NPRL3: variants seen among roughly 807,000 people sequenced by gnomAD.
NPRL3 encodes GATOR1 complex protein NPRL3.
In NPRL3, 23 loss-of-function variants were observed where a neutral mutation model predicts 57.2. The observed-to-expected ratio is 0.40, with a 90% CI of 0.29 to 0.57. The LOEUF is 0.57. Among genes scored for constraint, NPRL3 ranks in the 20% least tolerant of loss-of-function variants. NPRL3 has a pLI of 0.42. For synonymous variants in NPRL3, 333 were observed against 321.1 expected, an observed-to-expected ratio of 1.04 and a Z score of -0.39; for missense variants, 691 against 767.1, an observed-to-expected ratio of 0.90 and a Z score of 1.17.
At chr16:128,806 T>C (rs990086909) in intron 3 of NPRL3, among the ~76,000 whole-genome samples, 1 of 151,890 alleles carries the variant, frequency 6.6e-6, no homozygotes, top group Non-Finnish European at 1.5e-5. Flanking sequence ...GTGGATTTGA[T>C]GCACTTTCAC....
intron 8 of NPRL3, among the ~76,000 whole-genome samples, chr16:98,714 G>A (rs1325512066): frequency 6.6e-6 from 1 of 152,240 alleles, no homozygotes; most frequent in Non-Finnish European, 1.5e-5. Context: ...AAGGCAGGCA[G>A]GTCACGTGAG....
intron 2 of NPRL3, among the ~76,000 whole-genome samples, chr16:135,502 G>A (rs1901028841): frequency 6.6e-6 from 1 of 151,688 alleles, no homozygotes; most frequent in Admixed American, 6.6e-5. Context: ...CCAGCTACTC[G>A]GGAGGCTGGG....
chr16:125,983 C>G (rs1900498091), intron 3 of NPRL3: 1 of 152,142 alleles, frequency 6.6e-6, no homozygotes, highest in Admixed American at 6.6e-5. Context: ...GGCCTAGGCC[C>G]AAGTGCAGCC....
At chr16:116,794 C>CCG (rs1900054677) in intron 5 of NPRL3, among the ~76,000 whole-genome samples, 2 of 143,868 alleles carry the variant, frequency 1.4e-5, no homozygotes, top group Non-Finnish European at 1.5e-5. Flanking sequence ...GAGACCCCCC[C>CCG]CCCCCACCGA....
chr16:116,374 A>G (rs973284764), intron 5 of NPRL3, among the ~76,000 whole-genome samples: 3 of 152,240 alleles, frequency 2.0e-5, no homozygotes, highest in African/African-American at 7.2e-5. Context: ...TATGTAAGAA[A>G]TACAAAGATG....
intron 7 of NPRL3, among the ~76,000 whole-genome samples, chr16:103,653 C>T (rs771532143): frequency 2.0e-5 from 3 of 152,140 alleles, no homozygotes; most frequent in Non-Finnish European, 4.4e-5. Flanking sequence ...GGCTGCTCTG[C>T]ACGCTGGGGG....
intron 6 of NPRL3, among the ~76,000 whole-genome samples, chr16:111,318 T>A (rs980502148): frequency 2.0e-5 from 3 of 152,036 alleles, no homozygotes; most frequent in Non-Finnish European, 4.4e-5. Context: ...AAGAATGGCG[T>A]GAACCCAGGA....
chr16:131,474 G>A (rs1466363978), intron 2 of NPRL3, among the ~76,000 whole-genome samples: 2 of 82,626 alleles, frequency 2.4e-5, no homozygotes, highest in African/African-American at 6.9e-5. Context: ...GCAAGACTCC[G>A]TCTCAAAAAA....
At position 85,644 on chromosome 16, in the gene NPRL3, C is replaced by G. The variant is rs1255503415; in HGVS notation, c.*1061G>C. 1 of 1,591,684 alleles carries G rather than the reference C, an allele frequency of 6.3e-7. No homozygotes were observed. The highest frequency in any genetic ancestry group is 1.1e-5 in the South Asian group (1 of 90,028). On this transcript the variant is annotated 3_prime_UTR_variant, in exon 14 of 14. Coordinates refer to ENST00000611875, the MANE Select transcript of NPRL3 (RefSeq NM_001077350.3). ...GGTCCCCTGGAGCCCAGTGAGCCGG[C>G]TGTAGTGGCAGCAGCCCGGGTGGGC...
At chr16:122,199 C>T (rs1433618324) in intron 3 of NPRL3, among the ~76,000 whole-genome samples, 2 of 152,076 alleles carry the variant, frequency 1.3e-5, no homozygotes, top group African/African-American at 2.4e-5. Flanking sequence ...TGGGTTCAAG[C>T]GATTCTACTG....
rs1898414134 is a variant in NPRL3, at chr16:85,507, C to G, written c.*1198G>C. ...GGAAAGGCACCGCCAGCCGTGTCCT[C>G]AAGGACCGCGAGCTCTGCAGTGGCC... On this transcript the variant is annotated 3_prime_UTR_variant, in exon 14 of 14. Coordinates refer to ENST00000611875, the MANE Select transcript of NPRL3 (RefSeq NM_001077350.3). The G allele has an allele frequency of 6.2e-7, 1 of 1,613,262 alleles. No individual in the cohort carries two copies. Among genetic ancestry groups the G allele is most frequent in the Non-Finnish European group, 8.5e-7 (1 of 1,180,042 alleles).
rs573052068 is a variant in NPRL3, at chr16:108,518, C to T, written c.629+2007G>A. Among the ~76,000 whole-genome samples the T allele has an allele frequency of 3.9e-5, 6 of 152,012 alleles. No homozygotes were observed. The South Asian group carries it at 6.3e-4, about 16-fold the overall frequency. ...GGAATTTATCTTATAGATACAGAGG[C>T]GCACATACAAAATAACACAGGTAAA... On this transcript the variant is annotated intron_variant, in intron 7 of 13. Coordinates refer to ENST00000611875, the MANE Select transcript of NPRL3 (RefSeq NM_001077350.3).
chr16:107,884 G>C (rs945063314), intron 7 of NPRL3, among the ~76,000 whole-genome samples: 1 of 152,196 alleles, frequency 6.6e-6, no homozygotes, highest in Non-Finnish European at 1.5e-5. Context: ...AATCCGAGTT[G>C]AGGCATACAC....
chr16:137,686 A>C (rs1045770857), intron 2 of NPRL3, among the ~76,000 whole-genome samples: 1 of 151,666 alleles, frequency 6.6e-6, no homozygotes, highest in Non-Finnish European at 1.5e-5. Context: ...AGTAGCTAGG[A>C]TTATGGGCAC....
At chr16:123,655 G>A (rs1900376743) in intron 3 of NPRL3, 1 of 444,634 alleles carries the variant, frequency 2.2e-6, no homozygotes. Flanking sequence ...TCTAGCAGAA[G>A]TGCCACCATT....
At chr16:126,469 G>C (rs1463482927) in intron 3 of NPRL3, 4 of 150,574 alleles carry the variant, frequency 2.7e-5, no homozygotes, top group African/African-American at 7.3e-5. Context: ...ATAATAATAT[G>C]ATTTCAGAGC....
intron 8 of NPRL3, 89 bp from the exon 9 acceptor site, chr16:98,390 G>A: frequency 4.2e-6 from 6 of 1,426,676 alleles, no homozygotes; most frequent in Non-Finnish European, 4.8e-6. Context: ...TATGCACCGG[G>A]TATGCACCAG....
At chr16:137,145 G>A (rs140854442) in intron 2 of NPRL3, among the ~76,000 whole-genome samples, 4,005 of 151,482 alleles carry the variant, frequency 0.026, 78 homozygotes, top group Non-Finnish European at 0.042. Context: ...CCTTGAGCCC[G>A]GGAGGTGGAG....
intron 13 of NPRL3, among the ~76,000 whole-genome samples, chr16:87,537 TGC>T (rs1567127894): frequency 1.1e-4 from 6 of 52,286 alleles, no homozygotes; most frequent in South Asian, 1.7e-3. Context: ...GTGCCCAGCC[TGC>T]TTTTTTTTTT....
Sources: gnomAD v4.1 joint callset for allele counts (sites outside exome capture counted in the v4.1 genomes callset) on GRCh38, gnomAD v4.1.1 for gene constraint, MANE v1.5 for transcripts, NCBI Gene and HGNC (gene_info 2026-07-23, HGNC 2026-07-21) for gene names.